GJA10: variants seen among roughly 807,000 people sequenced by gnomAD.
GJA10 encodes the protein gap junction alpha-10 protein.
For missense variants in GJA10, 685 were observed against 651.9 expected (o/e 1.05, Z -0.55); for synonymous variants, 239 against 233.0 (o/e 1.03, Z -0.23).
In GJA10 at chr6:89,895,490, C is replaced by A. The variant is rs1771742318; in HGVS notation, c.1022C>A (p.Ala341Asp). ...CATGTTCACAGCCCGTGTCCCTGGGCTGGCAGTGCTGGAAATCAGCACCTG... is the reference window on the plus strand; with the variant it reads ...CATGTTCACAGCCCGTGTCCCTGGGATGGCAGTGCTGGAAATCAGCACCTG... ...QLHVHSPCPW[A>D]GSAGNQHLGQ... The change falls in exon 1 of 1, where the codon GCT becomes GAT. Residue 341 changes from alanine to aspartate, a missense_variant. Transcript: ENST00000369352. 6.2e-7 allele frequency: 1 copy of A among 1,614,080 alleles called. No individual in the cohort carries two copies. The highest frequency in any genetic ancestry group is 8.5e-7 in the Non-Finnish European group (1 of 1,180,040).
At position 89,894,501 on chromosome 6, in the gene GJA10, AGAG is replaced by A; in HGVS notation, c.36_38del (p.Glu13del). 1 of 1,613,760 alleles carries A rather than the reference AGAG, an allele frequency of 6.2e-7. No individual in the cohort carries two copies. Among genetic ancestry groups the A allele is most frequent in the Non-Finnish European group, 8.5e-7 (1 of 1,179,674 alleles). Reference sequence around the variant, plus strand: ...ACTGGAACTTATTGGGTGGCATCCTAGAGGAAGTTCACTCCCACTCAACCATAG... The same window carrying A: ...ACTGGAACTTATTGGGTGGCATCCTAGAAGTTCACTCCCACTCAACCATAG... On this transcript the variant is annotated inframe_deletion, in exon 1 of 1. Coordinates refer to ENST00000369352, the MANE Select transcript of GJA10 (RefSeq NM_032602.2).
chr6:89,894,625 G>C lies in GJA10; in HGVS notation c.157G>C (p.Ala53Pro). The C allele has an allele frequency of 6.2e-7, 1 of 1,614,198 alleles. No homozygotes were observed. The highest frequency in any genetic ancestry group is 2.2e-5 in the East Asian group (1 of 44,886). The change falls in exon 1 of 1, where the codon GCC (alanine) becomes CCC (proline). Residue 53 changes from alanine to proline, a missense_variant. Transcript: ENST00000369352. ...DVWDDEQSAF[A>P]CNTRQPGCNN... ...CTGGGATGATGAACAGTCAGCATTT[G>C]CCTGCAACACCCGGCAGCCAGGTTG...
rs149722598 is a variant in GJA10, at chr6:89,895,692, C to T, written c.1224C>T (p.Asp408=). 6.2e-7 allele frequency: 1 copy of T among 1,614,214 alleles called. No homozygotes were observed. Among genetic ancestry groups the T allele is most frequent in the African/African-American group, 1.3e-5 (1 of 75,056 alleles). ...PLTDLHSHCR[D]SEGSMRESGV... ...CAGATCTTCATAGTCACTGCAGAGA[C>T]AGTGAAGGCAGCATGAGAGAGAGTG... Residue 408 remains aspartate (D), a synonymous_variant, in exon 1 of 1, where the codon GAC becomes GAT. Transcript: ENST00000369352.
Position 89,894,814 on chromosome 6 carries a change from G to T in GJA10, c.346G>T (p.Ala116Ser), listed in dbSNP as rs199710744. Reference sequence around the variant, plus strand: ...GCAGAGGAAAAAGTCACACCTTAGAGCCCAGATGGAGAATCCAGATCTTGA... The same window carrying T: ...GCAGAGGAAAAAGTCACACCTTAGATCCCAGATGGAGAATCCAGATCTTGA... The part of the protein sequence containing the change: ...DRQRKKSHLR[A>S]QMENPDLDLE... Residue 116 changes from alanine (A) to serine (S), a missense_variant, in exon 1 of 1, where the codon GCC becomes TCC. Physicochemically the swap from Ala to Ser is moderately conservative, Grantham distance 99 (BLOSUM62 1). Transcript: ENST00000369352. 3.7e-6 allele frequency: 6 copies of T among 1,614,186 alleles called. No homozygotes were observed. The African/African-American group carries it at 8.0e-5, about 22-fold the overall frequency.
In GJA10 at chr6:89,895,293, A is replaced by T; in HGVS notation, c.825A>T (p.Ser275=). The part of the protein sequence containing the change: ...SVAQQCMICS[S]LPERISPLQA... The stretch of plus-strand genomic sequence containing the variant: ...CCCAGCAGTGTATGATTTGCTCTTC[A>T]TTGCCTGAAAGAATCTCTCCACTTC... Residue 275 remains serine, a synonymous_variant, in exon 1 of 1, where the codon TCA becomes TCT. Transcript: ENST00000369352. The T allele has an allele frequency of 6.2e-7, 1 of 1,614,198 alleles. No homozygotes were observed. The highest frequency in any genetic ancestry group is 8.5e-7 in the Non-Finnish European group (1 of 1,180,040).
At position 89,894,682 on chromosome 6, in the gene GJA10, A is replaced by G. The variant is rs1401243178; in HGVS notation, c.214A>G (p.Ile72Val). ...NNICYDDAFP[I>V]SLIRFWVLQI... ...TATCTGTTATGATGATGCATTCCCT[A>G]TCTCTTTGATCAGGTTCTGGGTTTT... is the stretch of plus-strand genomic sequence containing the variant. Residue 72 changes from isoleucine to valine, a missense_variant, in exon 1 of 1, where the codon ATC (isoleucine) becomes GTC (valine). Ile to Val is a conservative substitution (Grantham distance 29, BLOSUM62 3). Transcript: ENST00000369352. 1.2e-6 allele frequency: 2 copies of G among 1,614,202 alleles called. No individual in the cohort carries two copies. The highest frequency in any genetic ancestry group is 4.5e-5 in the East Asian group (2 of 44,880).
chr6:89,895,706 T>A lies in GJA10; in HGVS notation c.1238T>A (p.Met413Lys), dbSNP rs372050693. The change falls in exon 1 of 1, where the codon ATG becomes AAG. Residue 413 changes from methionine to lysine, a missense_variant. Transcript: ENST00000369352. ...HSHCRDSEGS[M>K]RESGVWIDRS... is the part of the protein sequence containing the mutation. ...CACTGCAGAGACAGTGAAGGCAGCA[T>A]GAGAGAGAGTGGGGTCTGGATAGAC... 1.2e-4 allele frequency: 190 copies of A among 1,613,658 alleles called. No individual in the cohort carries two copies. In the Middle Eastern group the frequency reaches 1.5e-3, roughly 13 times the overall value.
Position 89,894,655 on chromosome 6 carries a change from A to C in GJA10, c.187A>C (p.Asn63His). 5.0e-6 allele frequency: 8 copies of C among 1,614,202 alleles called. No individual in the cohort carries two copies. The highest frequency in any genetic ancestry group is 6.8e-6 in the Non-Finnish European group (8 of 1,180,036). ...CAACACCCGGCAGCCAGGTTGCAAC[A>C]ATATCTGTTATGATGATGCATTCCC... is the stretch of plus-strand genomic sequence containing the variant. ...ACNTRQPGCN[N>H]ICYDDAFPIS... Residue 63 changes from asparagine to histidine, a missense_variant, in exon 1 of 1, where the codon AAT (asparagine) becomes CAT (histidine). Asn to His is a moderately conservative substitution (Grantham distance 68). Coordinates refer to ENST00000369352, the MANE Select transcript of GJA10 (RefSeq NM_032602.2).
In GJA10 at chr6:89,895,326, C is replaced by A; in HGVS notation, c.858C>A (p.Asn286Lys). 1 of 1,614,188 alleles carries A rather than the reference C, an allele frequency of 6.2e-7. No homozygotes were observed. The highest frequency in any genetic ancestry group is 1.1e-5 in the South Asian group (1 of 91,088). ...AAAGAATCTCTCCACTTCAAGCTAA[C>A]AATCAACAGCAAGTCATTCGAGTTA... ...LPERISPLQA[N>K]NQQQVIRVNV... The change falls in exon 1 of 1, where the codon AAC becomes AAA. Residue 286 changes from asparagine (N) to lysine (K), a missense_variant. Transcript: ENST00000369352.
chr6:89,894,552 C>G lies in GJA10; in HGVS notation c.84C>G (p.Ile28Met). 1 of 1,614,212 alleles carries G rather than the reference C, an allele frequency of 6.2e-7. No individual in the cohort carries two copies. Among genetic ancestry groups the G allele is most frequent in the Non-Finnish European group, 8.5e-7 (1 of 1,180,048 alleles). Residue 28 changes from isoleucine (I) to methionine (M), a missense_variant, in exon 1 of 1, where the codon ATC becomes ATG. Ile to Met is a conservative substitution (Grantham distance 10). Coordinates refer to ENST00000369352, the MANE Select transcript of GJA10 (RefSeq NM_032602.2). ...TAGTGGGGAAAATCTGGCTGACCATCCTCTTCATCTTCCGAATGCTGGTAC... is the reference window on the plus strand; with the variant it reads ...TAGTGGGGAAAATCTGGCTGACCATGCTCTTCATCTTCCGAATGCTGGTAC... Reference protein sequence around the residue: ...STIVGKIWLTILFIFRMLVLR... With the variant: ...STIVGKIWLTMLFIFRMLVLR...
In GJA10 at chr6:89,894,860, T is replaced by C. The variant is rs762819519; in HGVS notation, c.392T>C (p.Ile131Thr). Residue 131 changes from isoleucine to threonine, a missense_variant, in exon 1 of 1, where the codon ATA (isoleucine) becomes ACA (threonine). By Grantham distance (89) the Ile-to-Thr change is moderately conservative. Coordinates refer to ENST00000369352, the MANE Select transcript of GJA10 (RefSeq NM_032602.2). ...CTTGACTTGGAGGAGCAGCAAAGAA[T>C]AGATAGGGAACTGAGGAGGTTAGAG... ...PDLDLEEQQR[I>T]DRELRRLEEQ... 3 of 1,614,044 alleles carry C rather than the reference T, an allele frequency of 1.9e-6. No homozygotes were observed. The African/African-American group carries it at 4.0e-5, about 22-fold the overall frequency.
Position 89,894,634 on chromosome 6 carries a change from A to G in GJA10, c.166A>G (p.Thr56Ala). 6.2e-7 allele frequency: 1 copy of G among 1,614,192 alleles called. No homozygotes were observed. Among genetic ancestry groups the G allele is most frequent in the Non-Finnish European group, 8.5e-7 (1 of 1,180,042 alleles). Residue 56 changes from threonine to alanine, a missense_variant, in exon 1 of 1, where the codon ACC (threonine) becomes GCC (alanine). By Grantham distance (58) the Thr-to-Ala change is moderately conservative (BLOSUM62 0). Transcript: ENST00000369352. Reference protein sequence around the residue: ...DDEQSAFACNTRQPGCNNICY... With the variant: ...DDEQSAFACNARQPGCNNICY... Reference sequence around the variant, plus strand: ...TGAACAGTCAGCATTTGCCTGCAACACCCGGCAGCCAGGTTGCAACAATAT... The same window carrying G: ...TGAACAGTCAGCATTTGCCTGCAACGCCCGGCAGCCAGGTTGCAACAATAT...
In GJA10 at chr6:89,895,093, A is replaced by T. The variant is rs767632185; in HGVS notation, c.625A>T (p.Thr209Ser). ...DCFVSRPTEK[T>S]IFMLFMHSIA... ...CTTTGTATCCAGGCCCACTGAGAAG[A>T]CAATTTTCATGCTTTTTATGCACAG... The change falls in exon 1 of 1, where the codon ACA becomes TCA. Residue 209 changes from threonine to serine, a missense_variant. Coordinates refer to ENST00000369352, the MANE Select transcript of GJA10 (RefSeq NM_032602.2). 8 of 1,614,094 alleles carry T rather than the reference A, an allele frequency of 5.0e-6. No individual in the cohort carries two copies. In the African/African-American group the frequency reaches 5.3e-5, roughly 11 times the overall value.
rs1771719480 is a variant in GJA10, at chr6:89,894,879, G to T, written c.411G>T (p.Arg137Ser). The stretch of plus-strand genomic sequence containing the variant: ...AAAGAATAGATAGGGAACTGAGGAG[G>T]TTAGAGGAGCAGAAGAGGATCCATA... The part of the protein sequence containing the change: ...EQQRIDRELR[R>S]LEEQKRIHKV... Residue 137 changes from arginine to serine, a missense_variant, in exon 1 of 1, where the codon AGG becomes AGT. Transcript: ENST00000369352. 4 of 1,614,182 alleles carry T rather than the reference G, an allele frequency of 2.5e-6. No homozygotes were observed. The highest frequency in any genetic ancestry group is 2.2e-5 in the East Asian group (1 of 44,890).
Position 89,895,750 on chromosome 6 carries a change from C to A in GJA10, c.1282C>A (p.Arg428Ser), listed in dbSNP as rs148483302. The change falls in exon 1 of 1, where the codon CGC becomes AGC. Residue 428 changes from arginine to serine, a missense_variant. Transcript: ENST00000369352. ...GATAGACAGATCTCGCCCAGGCAGTCGCAAGGCCAGCTTTCTGTCCAGATT... is the reference window on the plus strand; with the variant it reads ...GATAGACAGATCTCGCCCAGGCAGTAGCAAGGCCAGCTTTCTGTCCAGATT... ...VWIDRSRPGS[R>S]KASFLSRLLS... 6.2e-7 allele frequency: 1 copy of A among 1,614,146 alleles called. No individual in the cohort carries two copies. Among genetic ancestry groups the A allele is most frequent in the African/African-American group, 1.3e-5 (1 of 75,038 alleles).
rs1477332234 is a variant in GJA10, at chr6:89,894,850, C to A, written c.382C>A (p.Gln128Lys). Reference protein sequence around the residue: ...MENPDLDLEEQQRIDRELRRL... With the variant: ...MENPDLDLEEKQRIDRELRRL... ...GAATCCAGATCTTGACTTGGAGGAGCAGCAAAGAATAGATAGGGAACTGAG... is the reference window on the plus strand; with the variant it reads ...GAATCCAGATCTTGACTTGGAGGAGAAGCAAAGAATAGATAGGGAACTGAG... Residue 128 changes from glutamine (Q) to lysine (K), a missense_variant, in exon 1 of 1, where the codon CAG (glutamine) becomes AAG (lysine). Transcript: ENST00000369352. 6 of 1,614,132 alleles carry A rather than the reference C, an allele frequency of 3.7e-6. No homozygotes were observed. The highest frequency in any genetic ancestry group is 5.1e-6 in the Non-Finnish European group (6 of 1,180,024).
Position 89,894,890 on chromosome 6 carries a change from A to C in GJA10, c.422A>C (p.Gln141Pro). Residue 141 changes from glutamine (Q) to proline (P), a missense_variant, in exon 1 of 1, where the codon CAG (glutamine) becomes CCG (proline). Physicochemically the swap from Gln to Pro is moderately conservative, Grantham distance 76. Coordinates refer to ENST00000369352, the MANE Select transcript of GJA10 (RefSeq NM_032602.2). Reference sequence around the variant, plus strand: ...AGGGAACTGAGGAGGTTAGAGGAGCAGAAGAGGATCCATAAAGTCCCTCTG... The same window carrying C: ...AGGGAACTGAGGAGGTTAGAGGAGCCGAAGAGGATCCATAAAGTCCCTCTG... Reference protein sequence around the residue: ...IDRELRRLEEQKRIHKVPLKG... With the variant: ...IDRELRRLEEPKRIHKVPLKG... 6.2e-7 allele frequency: 1 copy of C among 1,614,226 alleles called. No individual in the cohort carries two copies. Among genetic ancestry groups the C allele is most frequent in the Non-Finnish European group, 8.5e-7 (1 of 1,180,030 alleles).
Position 89,895,466 on chromosome 6 carries a change from ATGT to A in GJA10, c.1000_1002del (p.Val334del). On this transcript the variant is annotated inframe_deletion, in exon 1 of 1. Coordinates refer to ENST00000369352, the MANE Select transcript of GJA10 (RefSeq NM_032602.2). ...AAGGATCAGCATAGCGGACAGCTCCATGTTCACAGCCCGTGTCCCTGGGCTGGC... is the reference window on the plus strand; with the variant it reads ...AAGGATCAGCATAGCGGACAGCTCCATCACAGCCCGTGTCCCTGGGCTGGC... 6.2e-7 allele frequency: 1 copy of A among 1,614,200 alleles called. No homozygotes were observed. Among genetic ancestry groups the A allele is most frequent in the Non-Finnish European group, 8.5e-7 (1 of 1,180,032 alleles).
rs1771715302 is a variant in GJA10 at position 89,894,739 on chromosome 6, G to C, written c.271G>C (p.Val91Leu). The C allele has an allele frequency of 1.2e-6, 2 of 1,614,114 alleles. No individual in the cohort carries two copies. Among genetic ancestry groups the C allele is most frequent in the Admixed American group, 3.3e-5 (2 of 59,998 alleles). ...QIIFVSSPSL[V>L]YMGHALYRLR... ...CATCTTTGTGTCTTCTCCTTCTTTG[G>C]TCTATATGGGCCATGCACTTTATAG... is the stretch of plus-strand genomic sequence containing the variant. The change falls in exon 1 of 1, where the codon GTC becomes CTC. Residue 91 changes from valine to leucine, a missense_variant. Val to Leu is a conservative substitution (Grantham distance 32). Coordinates refer to ENST00000369352, the MANE Select transcript of GJA10 (RefSeq NM_032602.2).
Sources: allele counts gnomAD v4.1 joint callset, GRCh38; gene constraint gnomAD v4.1.1; transcripts MANE v1.5; gene names NCBI Gene and HGNC (gene_info 2026-07-23, HGNC 2026-07-21).